ZC3H13: variants seen among roughly 807,000 people sequenced by gnomAD.
ZC3H13 encodes the protein zinc finger CCCH-type containing 13.
Under a neutral mutation model 204.1 loss-of-function variants are expected in ZC3H13, and 64 were observed. The ratio of observed to expected loss-of-function variants is 0.31; its 90% CI spans 0.26 to 0.39. ZC3H13 has a LOEUF of 0.39. Among genes scored for constraint, ZC3H13 ranks in the 10% least tolerant of loss-of-function variants. ZC3H13 has a pLI of 1.00. For missense variants in ZC3H13, 1,833 were observed against 2,082.7 expected (o/e 0.88, Z 2.33); for synonymous variants, 667 against 693.7 (o/e 0.96, Z 0.60).
chr13:45,955,861 C>T lies in ZC3H13; in HGVS notation c.*1266G>A, dbSNP rs918898737. 38 of 151,602 alleles carry T rather than the reference C, an allele frequency of 2.5e-4. No homozygotes were observed. Among genetic ancestry groups the T allele is most frequent in the Admixed American group, 1.1e-3 (17 of 15,236 alleles). The allele number at this position is 151,602 out of a possible 1,614,324, so 9.4% of individuals were successfully genotyped here. On this transcript the variant is annotated 3_prime_UTR_variant, in exon 19 of 19. Transcript: ENST00000679008. ...ATATGTTTCTTGAACAGAAACTTTA[C>T]ACCACTGTCATTATGTTACCTATAG...
rs1378635636 is a variant in ZC3H13 at position 45,969,105 on chromosome 13, T to C, written c.3439A>G (p.Thr1147Ala). The C allele has an allele frequency of 2.5e-6, 4 of 1,613,956 alleles. No individual in the cohort carries two copies. The highest frequency in any genetic ancestry group is 1.7e-6 in the Non-Finnish European group (2 of 1,180,016). The change falls in exon 14 of 19, where the codon ACC becomes GCC. Residue 1147 changes from threonine (T) to alanine (A), a missense_variant. Physicochemically the swap from Thr to Ala is moderately conservative, Grantham distance 58. This residue lies in a region of ZC3H13 where 1,574 missense variants were observed against 1,757.2 expected (regional missense o/e 0.90). Transcript: ENST00000679008. ...ISTSATPTNT[T>A]NNTFANEDSH... ...TCTTCATTGGCAAAAGTATTATTGG[T>C]GGTATTGGTGGGGGTGGCAGAGGTG... is the stretch of plus-strand genomic sequence containing the variant.
At chr13:46,002,277 G>T (rs1448190607) in intron 8 of ZC3H13, among the ~76,000 whole-genome samples, 1 of 152,170 alleles carries the variant, frequency 6.6e-6, no homozygotes, top group Non-Finnish European at 1.5e-5. Context: ...AAGTGTTGGT[G>T]AAGGTATGGA....
chr13:45,973,697 A>G (rs1952776329), intron 12 of ZC3H13, among the ~76,000 whole-genome samples: 1 of 152,006 alleles, frequency 6.6e-6, no homozygotes, highest in Non-Finnish European at 1.5e-5. Context: ...GTACTAATGA[A>G]AGCAGAGGAC....
At chr13:46,005,637 A>C (rs986424894) in intron 7 of ZC3H13, among the ~76,000 whole-genome samples, 2 of 152,032 alleles carry the variant, frequency 1.3e-5, no homozygotes, top group Non-Finnish European at 2.9e-5. Flanking sequence ...GTATAGGTGC[A>C]TACCACCACA....
At position 45,969,298 on chromosome 13, in the gene ZC3H13, C is replaced by G. The variant is rs1952374494; in HGVS notation, c.3246G>C (p.Glu1082Asp). 2 of 1,613,860 alleles carry G rather than the reference C, an allele frequency of 1.2e-6. No individual in the cohort carries two copies. The highest frequency in any genetic ancestry group is 1.3e-5 in the African/African-American group (1 of 75,036). Residue 1082 changes from glutamate (E) to aspartate (D), a missense_variant, in exon 14 of 19, where the codon GAG becomes GAC. Coordinates refer to ENST00000679008, the MANE Select transcript of ZC3H13 (RefSeq NM_001330564.2). ...VPDRTEVTEA[E>D]HTATATTPGS... ...CAGGAGTCGTGGCGGTGGCAGTATGCTCTGCTTCTGTCACCTCTGTACGGT... is the reference window on the plus strand; with the variant it reads ...CAGGAGTCGTGGCGGTGGCAGTATGGTCTGCTTCTGTCACCTCTGTACGGT...
intron 7 of ZC3H13, among the ~76,000 whole-genome samples, chr13:46,005,448 G>A: frequency 6.6e-6 from 1 of 151,910 alleles, no homozygotes; most frequent in Non-Finnish European, 1.5e-5. Flanking sequence ...TACTCATTTT[G>A]CTAATTCTAA....
chr13:46,001,707 C>A (rs1205033760), intron 8 of ZC3H13, among the ~76,000 whole-genome samples: 1 of 151,602 alleles, frequency 6.6e-6, no homozygotes, highest in African/African-American at 2.4e-5. Flanking sequence ...AGTCAAAATA[C>A]CAAAATAAAA....
At chr13:45,990,918 C>G (rs1318185181) in intron 8 of ZC3H13, among the ~76,000 whole-genome samples, 1 of 152,150 alleles carries the variant, frequency 6.6e-6, no homozygotes, top group Non-Finnish European at 1.5e-5. Flanking sequence ...ATCCTCCCAC[C>G]TCAGCCTCCC....
chr13:45,968,309 A>G (rs539018384), intron 14 of ZC3H13, among the ~76,000 whole-genome samples: 56 of 152,258 alleles, frequency 3.7e-4, no homozygotes, highest in African/African-American at 1.3e-3. Flanking sequence ...CACTATAACC[A>G]TAAAATATCT....
chr13:45,977,099 C>T (rs1461799708), intron 11 of ZC3H13, among the ~76,000 whole-genome samples: 4 of 152,080 alleles, frequency 2.6e-5, no homozygotes, highest in Admixed American at 6.6e-5. Context: ...AATTATGGTC[C>T]AGAGTTGTCT....
chr13:45,979,992 G>A lies in ZC3H13; in HGVS notation c.1733C>T (p.Ser578Leu), dbSNP rs771602182. The change falls in exon 11 of 19, where the codon TCA (serine) becomes TTA (leucine). Residue 578 changes from serine (S) to leucine (L), a missense_variant. Physicochemically the swap from Ser to Leu is moderately radical, Grantham distance 145. Around this residue, in one of 5 missense-constraint regions of ZC3H13, gnomAD observed 1,574 missense variants for 1,757.2 expected, o/e 0.90. Coordinates refer to ENST00000679008, the MANE Select transcript of ZC3H13 (RefSeq NM_001330564.2). ...GTGACTATCAATTTGAGAACCTCTT[G>A]AGCCTCGACTTCCTAAACAAAGGAT... The part of the protein sequence containing the change: ...PELPEKGSRG[S>L]RGSQIDSHSS... 3.8e-6 allele frequency: 6 copies of A among 1,597,436 alleles called. No homozygotes were observed. Among genetic ancestry groups the A allele is most frequent in the Non-Finnish European group, 2.6e-6 (3 of 1,174,354 alleles).
chr13:45,984,337 C>G (rs1205812572), intron 10 of ZC3H13, among the ~76,000 whole-genome samples: 1 of 152,018 alleles, frequency 6.6e-6, no homozygotes, highest in Non-Finnish European at 1.5e-5. Context: ...ACTATATATC[C>G]TTTTATACAT....
At chr13:45,996,653 G>T (rs748031900) in intron 8 of ZC3H13, among the ~76,000 whole-genome samples, 10 of 151,172 alleles carry the variant, frequency 6.6e-5, no homozygotes, top group African/African-American at 2.2e-4. Flanking sequence ...TTGCAGTTTG[G>T]CAATAACAGT....
chr13:46,036,945 C>T (rs529005296), intron 4 of ZC3H13, among the ~76,000 whole-genome samples: 1 of 152,118 alleles, frequency 6.6e-6, no homozygotes, highest in Admixed American at 6.5e-5. Context: ...TCTCAAACTC[C>T]TGGCCTCAAG....
At chr13:45,973,776 C>T (rs760119173) in intron 12 of ZC3H13, among the ~76,000 whole-genome samples, 2 of 105,820 alleles carry the variant, frequency 1.9e-5, no homozygotes, top group African/African-American at 3.6e-5. Context: ...AGAAAAGTAG[C>T]GGGTGGGGAG....
At chr13:45,990,172 C>A (rs1005470047) in intron 8 of ZC3H13, among the ~76,000 whole-genome samples, 1 of 152,062 alleles carries the variant, frequency 6.6e-6, no homozygotes, top group Non-Finnish European at 1.5e-5. Context: ...TGTTTAACAG[C>A]ATCCCTGGCC....
intron 4 of ZC3H13, among the ~76,000 whole-genome samples, chr13:46,025,512 G>A (rs2042491272): frequency 6.6e-6 from 1 of 152,060 alleles, no homozygotes; most frequent in African/African-American, 2.4e-5. Flanking sequence ...GTCTCTCTAT[G>A]TTGCCCAAGC....
chr13:45,987,028 T>C (rs1954258679), intron 9 of ZC3H13, among the ~76,000 whole-genome samples: 1 of 152,186 alleles, frequency 6.6e-6, no homozygotes, highest in Non-Finnish European at 1.5e-5. Flanking sequence ...TTCACTTCTA[T>C]TCCTCCCCCA....
intron 8 of ZC3H13, among the ~76,000 whole-genome samples, chr13:45,990,489 T>C (rs927625183): frequency 2.0e-5 from 3 of 152,200 alleles, no homozygotes; most frequent in East Asian, 1.9e-4. Flanking sequence ...ACTAGAACAC[T>C]ACACTCACTT....
Sources: allele counts gnomAD v4.1 joint callset (sites outside exome capture counted in the v4.1 genomes callset), GRCh38; gene constraint gnomAD v4.1.1; regional missense constraint gnomAD v4.1.1; transcripts MANE v1.5; gene names NCBI Gene and HGNC (gene_info 2026-07-23, HGNC 2026-07-21).